KCNIP4: variants seen among roughly 807,000 people sequenced by gnomAD.
KCNIP4 encodes Kv channel-interacting protein 4.
Under a neutral mutation model 34.0 loss-of-function variants are expected in KCNIP4, and 12 were observed. The ratio of observed to expected loss-of-function variants is 0.35; its 90% CI spans 0.23 to 0.57. The LOEUF is 0.57. KCNIP4 is among the 20% of genes least tolerant of loss of function. The probability of loss-of-function intolerance (pLI) is 0.83; values close to 1 mark genes in which losing one functional copy is unlikely to be tolerated. For synonymous variants in KCNIP4, 124 were observed against 102.2 expected, an observed-to-expected ratio of 1.21 and a Z score of -1.29; for missense variants, 238 against 311.7, an observed-to-expected ratio of 0.76 and a Z score of 1.78.
At chr4:21,064,139 GC>G (rs1744151614) in intron 1 of KCNIP4, among the ~76,000 whole-genome samples, 1 of 152,038 alleles carries the variant, frequency 6.6e-6, no homozygotes, top group African/African-American at 2.4e-5. Flanking sequence ...CATACTGACA[GC>G]CTTTCACTGG....
chr4:21,112,855 T>C (rs1749340119), intron 1 of KCNIP4, among the ~76,000 whole-genome samples: 1 of 151,948 alleles, frequency 6.6e-6, no homozygotes. Context: ...TAACTATTTT[T>C]CCCTTTTTTT....
At chr4:21,037,724 A>C (rs1424302046) in intron 1 of KCNIP4, among the ~76,000 whole-genome samples, 3 of 152,248 alleles carry the variant, frequency 2.0e-5, no homozygotes, top group African/African-American at 7.2e-5. Flanking sequence ...TAAACAGTAA[A>C]TCAATCAAAT....
At chr4:21,049,076 G>A (rs567307842) in intron 1 of KCNIP4, among the ~76,000 whole-genome samples, 67 of 145,402 alleles carry the variant, frequency 4.6e-4, no homozygotes, top group African/African-American at 1.7e-3. Flanking sequence ...TCAGCCTCCC[G>A]AGTAGCTGGG....
At chr4:21,776,391 C>T (rs913441938) in intron 1 of KCNIP4, among the ~76,000 whole-genome samples, 5 of 152,058 alleles carry the variant, frequency 3.3e-5, no homozygotes, top group Admixed American at 6.6e-5. Context: ...ATCTTGGCCC[C>T]GCCCCAGAAG....
intron 1 of KCNIP4, among the ~76,000 whole-genome samples, chr4:21,636,290 T>TA (rs369967095): frequency 0.12 from 14,750 of 126,712 alleles, 783 homozygotes; most frequent in African/African-American, 0.16. Context: ...TAAAGTATAA[T>TA]AAAAAAAAAG....
At chr4:21,089,229 C>A (rs138720917) in intron 1 of KCNIP4, among the ~76,000 whole-genome samples, 1 of 152,086 alleles carries the variant, frequency 6.6e-6, no homozygotes, top group Admixed American at 6.6e-5. Flanking sequence ...CCTTGCTGTT[C>A]TCATGATAGT....
chr4:21,331,196 C>T (rs1269303408), intron 1 of KCNIP4, among the ~76,000 whole-genome samples: 2 of 152,068 alleles, frequency 1.3e-5, no homozygotes, highest in African/African-American at 4.8e-5. Flanking sequence ...TTTTCCCTTC[C>T]TGATCTCAAT....
At chr4:20,925,639 C>T (rs1448249034) in intron 1 of KCNIP4, among the ~76,000 whole-genome samples, 6 of 152,184 alleles carry the variant, frequency 3.9e-5, no homozygotes, top group Non-Finnish European at 8.8e-5. Context: ...TCACATTACT[C>T]TATGGACTTG....
chr4:21,661,962 T>G (rs998667224), intron 1 of KCNIP4, among the ~76,000 whole-genome samples: 1 of 152,154 alleles, frequency 6.6e-6, no homozygotes, highest in African/African-American at 2.4e-5. Flanking sequence ...AAGAGAAAAT[T>G]TTCAGTTGCT....
intron 1 of KCNIP4, among the ~76,000 whole-genome samples, chr4:21,803,242 A>C (rs926725800): frequency 2.0e-5 from 3 of 152,116 alleles, no homozygotes; most frequent in African/African-American, 7.2e-5. Context: ...CACTTCCTTG[A>C]TCCTAATCCA....
At chr4:20,777,608 A>G (rs1560457874) in intron 3 of KCNIP4, among the ~76,000 whole-genome samples, 1 of 152,188 alleles carries the variant, frequency 6.6e-6, no homozygotes, top group Non-Finnish European at 1.5e-5. Context: ...TCGATCCTGG[A>G]CTTCCCATCC....
chr4:21,938,426 G>A (rs539959103), intron 1 of KCNIP4, among the ~76,000 whole-genome samples: 1 of 152,204 alleles, frequency 6.6e-6, no homozygotes, highest in East Asian at 1.9e-4. Context: ...GAATCAATTG[G>A]CTCACATTTG....
chr4:21,717,704 T>C (rs765670801), intron 1 of KCNIP4, among the ~76,000 whole-genome samples: 15 of 152,310 alleles, frequency 9.8e-5, no homozygotes, highest in Non-Finnish European at 1.6e-4. Flanking sequence ...TTGCACATAT[T>C]AGCCTATGTG....
Position 21,464,495 on chromosome 4 carries a change from A to G in KCNIP4, c.61+484076T>C, listed in dbSNP as rs144755219. Among the ~76,000 whole-genome samples the G allele has an allele frequency of 9.1e-4, 138 of 152,170 alleles. 1 individual carries two copies. In the East Asian group the frequency reaches 0.02, roughly 22 times the overall value. On this transcript the variant is annotated intron_variant, in intron 1 of 8. Transcript: ENST00000382152. The stretch of plus-strand genomic sequence containing the variant: ...TTGCTTAATTTCCACATAATTGTGA[A>G]TTTCTAAATTTCCTTCTGTTACTGA...
chr4:21,534,175 C>T (rs1358687069), intron 1 of KCNIP4, among the ~76,000 whole-genome samples: 1 of 152,130 alleles, frequency 6.6e-6, no homozygotes, highest in Admixed American at 6.5e-5. Flanking sequence ...TAAAACATAG[C>T]ATAGCAATGT....
At chr4:20,732,973 G>T (rs901284305) in intron 6 of KCNIP4, among the ~76,000 whole-genome samples, 188 bp from the exon 7 acceptor site, 29 of 152,118 alleles carry the variant, frequency 1.9e-4, no homozygotes, top group African/African-American at 7.0e-4. Context: ...AAGAGCAGAA[G>T]AATCAGAATT....
At chr4:21,735,294 G>C (rs1715909358) in intron 1 of KCNIP4, among the ~76,000 whole-genome samples, 1 of 152,076 alleles carries the variant, frequency 6.6e-6, no homozygotes, top group African/African-American at 2.4e-5. Context: ...ATTTTGTTAA[G>C]CTACTCACTG....
rs1174950441 is a variant in KCNIP4, at chr4:21,512,188, C to CGAAG, written c.61+436379_61+436382dup. Among the ~76,000 whole-genome samples, 1,037 of 139,410 alleles carry CGAAG rather than the reference C, an allele frequency of 7.4e-3. 7 individuals carry two copies. Among genetic ancestry groups the CGAAG allele is most frequent in the Non-Finnish European group, 8.6e-3 (563 of 65,788 alleles). 91.5% of individuals were successfully genotyped at this position (139,410 alleles called of 152,430 possible). On this transcript the variant is annotated intron_variant, in intron 1 of 8. Transcript: ENST00000382152. ...AGGGAGGGAGGAAGGAAGGAACGAA[C>CGAAG]GAAGGAACGAACGAAGGAAGGAAGG...
chr4:21,307,479 G>C (rs566305847), intron 1 of KCNIP4, among the ~76,000 whole-genome samples: 4 of 152,182 alleles, frequency 2.6e-5, no homozygotes, highest in African/African-American at 9.6e-5. Flanking sequence ...TCACCACCTG[G>C]CATGTATATT....
Sources: allele counts gnomAD v4.1 joint callset (sites outside exome capture counted in the v4.1 genomes callset), GRCh38; gene constraint gnomAD v4.1.1; transcripts MANE v1.5; gene names NCBI Gene and HGNC (gene_info 2026-07-23, HGNC 2026-07-21).